SEZ6L: variants seen among roughly 807,000 people sequenced by gnomAD.
The protein encoded by SEZ6L is seizure related 6 homolog like.
SEZ6L carries 37 observed loss-of-function variants against 106.2 expected under a neutral mutation model. The observed-to-expected ratio is 0.35, with a 90% CI of 0.27 to 0.46. The LOEUF is 0.46. SEZ6L is among the 20% of genes least tolerant of loss of function. SEZ6L has a pLI of 1.00. For synonymous variants in SEZ6L, 541 were observed against 570.4 expected (o/e 0.95, Z 0.73); for missense variants, 1,172 against 1,332.8 (o/e 0.88, Z 1.88).
intron 1 of SEZ6L, among the ~76,000 whole-genome samples, chr22:26,211,284 G>A (rs372725903): frequency 5.3e-5 from 8 of 152,154 alleles, no homozygotes; most frequent in Admixed American, 1.3e-4. Flanking sequence ...CAGTCCTGCC[G>A]TTTAGTTGAT....
chr22:26,348,019 T>C, intron 11 of SEZ6L, 106 bp downstream of exon 11: 1 of 834,286 alleles, frequency 1.2e-6, no homozygotes, highest in Non-Finnish European at 1.8e-6. Context: ...GAATCTGGAC[T>C]CCCCCTCCAC....
At chr22:26,340,997 G>C (rs1003202178) in intron 10 of SEZ6L, among the ~76,000 whole-genome samples, 2 of 152,124 alleles carry the variant, frequency 1.3e-5, no homozygotes, top group African/African-American at 4.8e-5. Flanking sequence ...TTGTCCCCAT[G>C]TTTCATTTGT....
intron 1 of SEZ6L, among the ~76,000 whole-genome samples, chr22:26,278,706 A>G (rs1180592153): frequency 6.6e-6 from 1 of 152,184 alleles, no homozygotes; most frequent in East Asian, 1.9e-4. Flanking sequence ...TATTGTAACA[A>G]TGAAATGTGT....
At chr22:26,269,291 T>C (rs1053674432) in intron 1 of SEZ6L, among the ~76,000 whole-genome samples, 5 of 152,140 alleles carry the variant, frequency 3.3e-5, no homozygotes, top group African/African-American at 1.2e-4. Flanking sequence ...AAATCTGCCT[T>C]TTAAAAATCA....
rs781407555 is a variant in SEZ6L at position 26,293,006 on chromosome 22, C to G, written c.695C>G (p.Ala232Gly). The G allele has an allele frequency of 1.6e-5, 26 of 1,614,088 alleles. No homozygotes were observed. The highest frequency in any genetic ancestry group is 2.0e-5 in the Non-Finnish European group (24 of 1,179,984). ...CCTGGGCCTGACATGGCCCAGGAGGCCCCCCAGGAGGACACCAGCCCCATG... is the reference window on the plus strand; with the variant it reads ...CCTGGGCCTGACATGGCCCAGGAGGGCCCCCAGGAGGACACCAGCCCCATG... ...GEPGPDMAQE[A>G]PQEDTSPMAL... is the part of the protein sequence containing the mutation. Residue 232 changes from alanine to glycine, a missense_variant, in exon 2 of 17, where the codon GCC becomes GGC. Coordinates refer to ENST00000248933, the MANE Select transcript of SEZ6L (RefSeq NM_021115.5).
intron 1 of SEZ6L, among the ~76,000 whole-genome samples, chr22:26,249,993 C>T (rs192881498): frequency 6.6e-6 from 1 of 152,182 alleles, no homozygotes; most frequent in African/African-American, 2.4e-5. Context: ...TTATTCAGCA[C>T]ATTGTCACAT....
chr22:26,220,735 A>C (rs2078440105), intron 1 of SEZ6L, among the ~76,000 whole-genome samples: 1 of 152,228 alleles, frequency 6.6e-6, no homozygotes, highest in Admixed American at 6.5e-5. Flanking sequence ...TTGTGAGCTC[A>C]TCCATGACAG....
intron 16 of SEZ6L, 34 bp downstream of exon 16, chr22:26,377,809 C>T (rs765148779): frequency 1.4e-6 from 2 of 1,438,866 alleles, no homozygotes; most frequent in African/African-American, 2.8e-5. Flanking sequence ...TCCCAATTCC[C>T]TCCCTCTTTG....
At chr22:26,229,171 A>G (rs1222854609) in intron 1 of SEZ6L, among the ~76,000 whole-genome samples, 1 of 151,744 alleles carries the variant, frequency 6.6e-6, no homozygotes, top group Non-Finnish European at 1.5e-5. Context: ...TAATTTTTGT[A>G]TTTCTACTAG....
intron 13 of SEZ6L, among the ~76,000 whole-genome samples, chr22:26,371,310 G>C (rs752076404): frequency 2.6e-5 from 4 of 152,166 alleles, no homozygotes; most frequent in Non-Finnish European, 4.4e-5. Flanking sequence ...TATGGATATC[G>C]AGTTGTCCTG....
intron 13 of SEZ6L, among the ~76,000 whole-genome samples, chr22:26,371,600 C>G (rs1241572263): frequency 2.0e-5 from 3 of 151,658 alleles, no homozygotes; most frequent in Non-Finnish European, 4.4e-5. Context: ...CCACTGCACT[C>G]CAGTCTAGGT....
At chr22:26,362,292 A>G (rs1038819645) in intron 12 of SEZ6L, among the ~76,000 whole-genome samples, 1 of 152,210 alleles carries the variant, frequency 6.6e-6, no homozygotes, top group African/African-American at 2.4e-5. Context: ...GGCAAACTTC[A>G]AGTATACAGA....
chr22:26,296,593 G>A (rs1331346088), intron 3 of SEZ6L, among the ~76,000 whole-genome samples: 2 of 152,164 alleles, frequency 1.3e-5, no homozygotes, highest in African/African-American at 4.8e-5. Context: ...AGCATCCAGG[G>A]CCTGTGCCAA....
chr22:26,368,516 G>A (rs1361165870), intron 13 of SEZ6L, among the ~76,000 whole-genome samples: 3 of 152,202 alleles, frequency 2.0e-5, no homozygotes, highest in Non-Finnish European at 4.4e-5. Flanking sequence ...ACATGTTTTA[G>A]GGTTCTGTTT....
At chr22:26,251,710 A>G (rs1481251393) in intron 1 of SEZ6L, among the ~76,000 whole-genome samples, 1 of 152,208 alleles carries the variant, frequency 6.6e-6, no homozygotes, top group Non-Finnish European at 1.5e-5. Context: ...GGATGTCATT[A>G]TGGAAACTGC....
intron 1 of SEZ6L, among the ~76,000 whole-genome samples, chr22:26,218,867 G>A (rs2078373778): frequency 1.3e-5 from 2 of 152,124 alleles, no homozygotes; most frequent in African/African-American, 4.8e-5. Context: ...GAACCCAGGA[G>A]GTGGAGGTTG....
rs2084378750 is a variant in SEZ6L at position 26,380,455 on chromosome 22, T to C, written c.*160T>C. On this transcript the variant is annotated 3_prime_UTR_variant, in exon 17 of 17. Transcript: ENST00000248933. ...TTACTGTTTTCTTCCCTGTATTTAT[T>C]ATATTTAAAAGTGAAATAGGTGTGG... 1 of 538,630 alleles carries C rather than the reference T, an allele frequency of 1.9e-6. No homozygotes were observed. The highest frequency in any genetic ancestry group is 3.1e-5 in the Admixed American group (1 of 32,394). 33.4% of individuals were successfully genotyped at this position (538,630 alleles called of 1,614,324 possible).
At chr22:26,372,855 CATAG>C (rs970846614) in intron 13 of SEZ6L, among the ~76,000 whole-genome samples, 46 of 152,342 alleles carry the variant, frequency 3.0e-4, no homozygotes, top group African/African-American at 1.1e-3. Context: ...GAGAGGTTTA[CATAG>C]ATAGTCTTCA....
chr22:26,288,576 C>T (rs769589768), intron 1 of SEZ6L, among the ~76,000 whole-genome samples: 4 of 152,206 alleles, frequency 2.6e-5, no homozygotes, highest in Admixed American at 6.5e-5. Context: ...TGAAACCCAG[C>T]TTTGCTGTGT....
Sources: allele counts gnomAD v4.1 joint callset (sites outside exome capture counted in the v4.1 genomes callset), GRCh38; gene constraint gnomAD v4.1.1; transcripts MANE v1.5; gene names NCBI Gene and HGNC (gene_info 2026-07-23, HGNC 2026-07-21).